MBOAT1: variants seen among roughly 807,000 people sequenced by gnomAD.
MBOAT1 encodes the protein membrane bound glycerophospholipid O-acyltransferase 1.
Under a neutral mutation model 64.4 loss-of-function variants are expected in MBOAT1, and 67 were observed. That is an observed-to-expected ratio of 1.04 (90% CI 0.85 to 1.27). MBOAT1 has a LOEUF of 1.27. MBOAT1 is among the 50% of genes most tolerant of loss of function. The probability of loss-of-function intolerance (pLI) is 0.00; values close to 1 mark genes in which losing one functional copy is unlikely to be tolerated. For synonymous variants in MBOAT1, 229 were observed against 218.9 expected, an observed-to-expected ratio of 1.05 and a Z score of -0.41; for missense variants, 563 against 604.6, an observed-to-expected ratio of 0.93 and a Z score of 0.72.
intron 4 of MBOAT1, among the ~76,000 whole-genome samples, chr6:20,138,151 G>A (rs1000341344): frequency 6.6e-6 from 1 of 152,138 alleles, no homozygotes; most frequent in African/African-American, 2.4e-5. Context: ...TGGTAGTGAG[G>A]CAGCCTGCCT....
intron 4 of MBOAT1, among the ~76,000 whole-genome samples, chr6:20,135,797 C>G (rs1452553266): frequency 1.3e-5 from 2 of 152,112 alleles, no homozygotes; most frequent in Non-Finnish European, 2.9e-5. Flanking sequence ...GGTACTTGGA[C>G]AGTAGAAAAG....
At position 20,102,114 on chromosome 6, in the gene MBOAT1, C is replaced by CAAAAAAAA. The variant is rs58966886; in HGVS notation, c.*164_*171dup. On this transcript the variant is annotated 3_prime_UTR_variant, in exon 13 of 13. Transcript: ENST00000324607. ...TGGGCGACAGAGCGAGACTCCGTCTCAAAAAAAAAAAAAAAAAAAAAAAAA... is the reference window on the plus strand; with the variant it reads ...TGGGCGACAGAGCGAGACTCCGTCTCAAAAAAAAAAAAAAAAAAAAAAAAAAAAAAAAA... 38 of 97,256 alleles carry CAAAAAAAA rather than the reference C, an allele frequency of 3.9e-4. No homozygotes were observed. The highest frequency in any genetic ancestry group is 2.5e-3 in the African/African-American group (37 of 14,542). The allele number at this position is 97,256 out of a possible 1,614,324, so 6.0% of individuals were successfully genotyped here.
chr6:20,152,266 G>A (rs1308633514), intron 2 of MBOAT1, among the ~76,000 whole-genome samples: 3 of 151,668 alleles, frequency 2.0e-5, no homozygotes, highest in Non-Finnish European at 2.9e-5. Flanking sequence ...GGCGGAGGTC[G>A]CAGTGAGCCA....
Position 20,152,679 on chromosome 6 carries a change from G to A in MBOAT1, c.190C>T (p.Arg64Trp), listed in dbSNP as rs752753742. The change falls in exon 2 of 13, where the codon CGG becomes TGG. Residue 64 changes from arginine (R) to tryptophan (W), a missense_variant. Arg to Trp is a moderately radical substitution (Grantham distance 101). Coordinates refer to ENST00000324607, the MANE Select transcript of MBOAT1 (RefSeq NM_001080480.3). ...LRPGTTSSDV[R>W]HAVATIFGIY... is the part of the protein sequence containing the mutation. ...CCAAAAATGGTGGCAACCGCATGCC[G>A]GACATCAGAGCTGGTTGTACCAGGA... 3.1e-6 allele frequency: 5 copies of A among 1,611,704 alleles called. No homozygotes were observed. Among genetic ancestry groups the A allele is most frequent in the Admixed American group, 3.3e-5 (2 of 59,998 alleles).
intron 4 of MBOAT1, among the ~76,000 whole-genome samples, chr6:20,132,804 T>C (rs1168787082): frequency 6.6e-6 from 1 of 152,174 alleles, no homozygotes; most frequent in Non-Finnish European, 1.5e-5. Flanking sequence ...CAAGAAAATA[T>C]TTGCAAACCA....
intron 5 of MBOAT1, among the ~76,000 whole-genome samples, chr6:20,129,111 G>C (rs1760742809): frequency 6.6e-6 from 1 of 152,150 alleles, no homozygotes; most frequent in Admixed American, 6.5e-5. Flanking sequence ...AGAGCATCTT[G>C]CCTTTCACAG....
rs1427131396 is a variant in MBOAT1, at chr6:20,126,667, G to A, written c.564C>T (p.Tyr188=). The A allele has an allele frequency of 6.2e-7, 1 of 1,612,084 alleles. No individual in the cohort carries two copies. The highest frequency in any genetic ancestry group is 8.5e-7 in the Non-Finnish European group (1 of 1,179,426). ...CTATGACACTCATGAAATTGAGAAG[G>A]TAACTTAAGTATTCCAAAAAAGAGG... ...VKPSFLEYLS[Y]LLNFMSVIAG... is the part of the protein sequence containing the mutation. The change falls in exon 7 of 13, where the codon TAC becomes TAT. Residue 188 remains tyrosine, a synonymous_variant. Coordinates refer to ENST00000324607, the MANE Select transcript of MBOAT1 (RefSeq NM_001080480.3).
At chr6:20,157,790 A>G (rs1581431508) in intron 1 of MBOAT1, among the ~76,000 whole-genome samples, 1 of 152,196 alleles carries the variant, frequency 6.6e-6, no homozygotes, top group East Asian at 1.9e-4. Context: ...TAGACAGCAA[A>G]AGAAACAATG....
At chr6:20,192,927 CA>C (rs1762843205) in intron 1 of MBOAT1, among the ~76,000 whole-genome samples, 1 of 150,788 alleles carries the variant, frequency 6.6e-6, no homozygotes, top group African/African-American at 2.4e-5. Flanking sequence ...GGAGGAAACC[CA>C]AACATCAATT....
At chr6:20,110,660 G>A (rs1760111720) in intron 11 of MBOAT1, among the ~76,000 whole-genome samples, 1 of 151,874 alleles carries the variant, frequency 6.6e-6, no homozygotes. Flanking sequence ...TTGGCACAGA[G>A]CCATCCAAGC....
At chr6:20,110,630 G>T (rs1760110459) in intron 11 of MBOAT1, among the ~76,000 whole-genome samples, 1 of 151,890 alleles carries the variant, frequency 6.6e-6, no homozygotes, top group Non-Finnish European at 1.5e-5. Flanking sequence ...ACCTCCCAAA[G>T]GAAAGCATCA....
chr6:20,144,070 A>C (rs1055386333), intron 4 of MBOAT1, 150 bp downstream of exon 4: 2 of 597,814 alleles, frequency 3.3e-6, no homozygotes, highest in Non-Finnish European at 6.0e-6. Context: ...CAATCAATCA[A>C]GTCTCCAGCC....
Position 20,118,451 on chromosome 6 carries a change from T to C in MBOAT1, c.997A>G (p.Ile333Val), listed in dbSNP as rs750837889. The change falls in exon 9 of 13, where the codon ATC becomes GTC. Residue 333 changes from isoleucine to valine, a missense_variant. Coordinates refer to ENST00000324607, the MANE Select transcript of MBOAT1 (RefSeq NM_001080480.3). Reference sequence around the variant, plus strand: ...CATACACTCACCTCAATTTTCCAGATGTTTAGGTTCGAAAGCAGATCCCAA... The same window carrying C: ...CATACACTCACCTCAATTTTCCAGACGTTTAGGTTCGAAAGCAGATCCCAA... The part of the protein sequence containing the change: ...FCWDLLSNLN[I>V]WKIETATSFK... 35 of 1,613,924 alleles carry C rather than the reference T, an allele frequency of 2.2e-5. No homozygotes were observed. Among genetic ancestry groups the C allele is most frequent in the Non-Finnish European group, 3.0e-5 (35 of 1,179,874 alleles).
At chr6:20,142,451 C>T (rs1434769046) in intron 4 of MBOAT1, among the ~76,000 whole-genome samples, 1 of 151,960 alleles carries the variant, frequency 6.6e-6, no homozygotes, top group Non-Finnish European at 1.5e-5. Context: ...GCATGTTGGG[C>T]TTTTTGTTTT....
chr6:20,165,636 A>G (rs751619702), intron 1 of MBOAT1, among the ~76,000 whole-genome samples: 78 of 152,124 alleles, frequency 5.1e-4, no homozygotes, highest in Non-Finnish European at 8.1e-4. Context: ...CCAGCTACTC[A>G]GGAGGCTAAA....
chr6:20,144,196 C>G, intron 4 of MBOAT1, 24 bp downstream of exon 4: 1 of 1,506,328 alleles, frequency 6.6e-7, no homozygotes, highest in Non-Finnish European at 9.2e-7. Flanking sequence ...AGTAAAACCC[C>G]TCTCTCTAAT....
chr6:20,106,052 A>T (rs1759945534), intron 12 of MBOAT1, among the ~76,000 whole-genome samples: 1 of 152,228 alleles, frequency 6.6e-6, no homozygotes, highest in African/African-American at 2.4e-5. Context: ...AATGTTAAGC[A>T]ATGAGGATCT....
intron 3 of MBOAT1, among the ~76,000 whole-genome samples, chr6:20,147,278 G>A (rs947255849): frequency 2.6e-5 from 4 of 152,204 alleles, no homozygotes; most frequent in African/African-American, 9.7e-5. Context: ...TCCCAGCACT[G>A]GCAGAAGTAA....
At chr6:20,150,285 T>C (rs965008376) in intron 3 of MBOAT1, among the ~76,000 whole-genome samples, 1 of 152,058 alleles carries the variant, frequency 6.6e-6, no homozygotes, top group East Asian at 1.9e-4. Context: ...ATTTAACATA[T>C]ATATATATTT....
Sources: gnomAD v4.1 joint callset for allele counts (sites outside exome capture counted in the v4.1 genomes callset) on GRCh38, gnomAD v4.1.1 for gene constraint, MANE v1.5 for transcripts, NCBI Gene and HGNC (gene_info 2026-07-23, HGNC 2026-07-21) for gene names.